Variants in METTL16 observed in about 807,000 individuals in gnomAD.
METTL16 encodes the protein RNA N(6)-adenosine-methyltransferase METTL16.
Under a neutral mutation model 57.9 loss-of-function variants are expected in METTL16, and 19 were observed. The ratio of observed to expected loss-of-function variants is 0.33; its 90% confidence interval spans 0.23 to 0.48. The LOEUF is 0.48. METTL16 is among the 20% of genes least tolerant of loss of function. The pLI is 0.99. For synonymous variants in METTL16, 246 were observed against 255.6 expected (o/e 0.96, Z 0.36); for missense variants, 434 against 691.5 (o/e 0.63, Z 4.18).
chr17:2,430,623 T>C (rs1454603401), intron 8 of METTL16, among the ~76,000 whole-genome samples: 1 of 152,024 alleles, frequency 6.6e-6, no homozygotes, highest in African/African-American at 2.4e-5. Context: ...TTTCACTGTG[T>C]TAGCCAGGAT....
At chr17:2,423,581 C>T (rs1214805937) in intron 8 of METTL16, among the ~76,000 whole-genome samples, 1 of 152,024 alleles carries the variant, frequency 6.6e-6, no homozygotes, top group Non-Finnish European at 1.5e-5. Flanking sequence ...ATCAGACTCC[C>T]CATTCCCCGT....
chr17:2,431,790 G>A (rs895619969), intron 8 of METTL16, among the ~76,000 whole-genome samples: 1 of 151,890 alleles, frequency 6.6e-6, no homozygotes, highest in Non-Finnish European at 1.5e-5. Flanking sequence ...GGGAATAGAT[G>A]GTTTAAAATT....
intron 1 of METTL16, among the ~76,000 whole-genome samples, chr17:2,504,916 G>T (rs970110025): frequency 6.6e-6 from 1 of 152,086 alleles, no homozygotes; most frequent in Non-Finnish European, 1.5e-5. Flanking sequence ...TGAATATTTG[G>T]TAGTGTACCA....
At chr17:2,441,170 G>A (rs1317575727) in intron 7 of METTL16, among the ~76,000 whole-genome samples, 4 of 152,022 alleles carry the variant, frequency 2.6e-5, no homozygotes, top group East Asian at 1.9e-4. Context: ...CAGAACTGGA[G>A]GCCATTATCT....
rs7214587 is a variant in METTL16 at position 2,502,265 on chromosome 17, G to A, written c.67C>T (p.Leu23=). The change falls in exon 2 of 10, where the codon CTG becomes TTG. Residue 23 remains leucine (L), a synonymous_variant. Transcript: ENST00000263092. The part of the protein sequence containing the change: ...YKDKPPDFAY[L]ASKYPDFKQH... Reference sequence around the variant, plus strand: ...TTAAAATCTGGATATTTGGATGCCAGATATGCAAAGTCAGGAGGTTTGTCC... The same window carrying A: ...TTAAAATCTGGATATTTGGATGCCAAATATGCAAAGTCAGGAGGTTTGTCC... 1,160 of 1,613,784 alleles carry A rather than the reference G, an allele frequency of 7.2e-4. 5 individuals are homozygous for A. The African/African-American group carries it at 0.013, about 18-fold the overall frequency.
At chr17:2,423,532 G>T (rs558881683) in intron 8 of METTL16, among the ~76,000 whole-genome samples, 1 of 152,260 alleles carries the variant, frequency 6.6e-6, no homozygotes, top group East Asian at 1.9e-4. Context: ...GGGAAGAAGC[G>T]TATTAAGCCG....
intron 6 of METTL16, among the ~76,000 whole-genome samples, chr17:2,447,561 C>T (rs2067012441): frequency 1.7e-5 from 2 of 116,512 alleles, no homozygotes; most frequent in Admixed American, 7.3e-5. Context: ...CCAGTCGCCC[C>T]GTCCAGGAGG....
At chr17:2,489,440 A>G (rs1047345332) in intron 2 of METTL16, among the ~76,000 whole-genome samples, 4 of 152,048 alleles carry the variant, frequency 2.6e-5, no homozygotes, top group African/African-American at 9.7e-5. Context: ...AGGTCACCTG[A>G]CGTCAGGAGT....
chr17:2,508,625 T>C (rs141558900), intron 1 of METTL16, among the ~76,000 whole-genome samples: 2 of 152,138 alleles, frequency 1.3e-5, no homozygotes, highest in African/African-American at 2.4e-5. Flanking sequence ...CAGGTCATTA[T>C]CATGTCTTTC....
chr17:2,450,374 G>C (rs193225345), intron 6 of METTL16, among the ~76,000 whole-genome samples: 12 of 152,302 alleles, frequency 7.9e-5, no homozygotes, highest in African/African-American at 2.9e-4. Context: ...GACTCCATTT[G>C]TATGAAAAGT....
At chr17:2,473,693 C>G (rs1346426248) in intron 3 of METTL16, 29 bp from the exon 4 acceptor site, 37 of 1,601,284 alleles carry the variant, frequency 2.3e-5, no homozygotes, top group Non-Finnish European at 3.1e-5. Flanking sequence ...AAAACACATT[C>G]TACACACCAG....
intron 6 of METTL16, among the ~76,000 whole-genome samples, chr17:2,448,740 TAAAA>T (rs1417532304): frequency 6.5e-5 from 2 of 30,902 alleles, no homozygotes; most frequent in Non-Finnish European, 1.2e-4. Flanking sequence ...GAATGATCAA[TAAAA>T]AAAAAAATAA....
At position 2,471,461 on chromosome 17, in the gene METTL16, A is replaced by C. The variant is rs185455203; in HGVS notation, c.469+2063T>G. Among the ~76,000 whole-genome samples, 518 of 152,294 alleles carry C rather than the reference A, an allele frequency of 3.4e-3. 4 individuals carry two copies. The highest frequency in any genetic ancestry group is 5.1e-3 in the Non-Finnish European group (349 of 68,020). On this transcript the variant is annotated intron_variant, in intron 4 of 9. Coordinates refer to ENST00000263092, the MANE Select transcript of METTL16 (RefSeq NM_024086.4). ...GCTGAGATTACAGCACTTTTTGGATATAATACCAACAGTACTGTATACCAT... is the reference window on the plus strand; with the variant it reads ...GCTGAGATTACAGCACTTTTTGGATCTAATACCAACAGTACTGTATACCAT...
At chr17:2,481,157 T>C (rs2067303079) in intron 2 of METTL16, among the ~76,000 whole-genome samples, 1 of 149,070 alleles carries the variant, frequency 6.7e-6, no homozygotes, top group East Asian at 2.0e-4. Context: ...GCAGTGAGCC[T>C]AGATGAAGCC....
At chr17:2,442,877 G>A (rs1277598238) in intron 6 of METTL16, among the ~76,000 whole-genome samples, 1 of 151,988 alleles carries the variant, frequency 6.6e-6, no homozygotes, top group Non-Finnish European at 1.5e-5. Context: ...GCCCAGGCTG[G>A]AGTGCAGTGG....
At chr17:2,455,201 G>C in intron 6 of METTL16, 1 of 163,390 alleles carries the variant, frequency 6.1e-6, no homozygotes, top group Non-Finnish European at 1.3e-5. Flanking sequence ...CGATTCTCCT[G>C]CCTCAGCCTC....
chr17:2,444,222 G>A (rs1246949993), intron 6 of METTL16, among the ~76,000 whole-genome samples: 2 of 152,072 alleles, frequency 1.3e-5, no homozygotes, highest in Non-Finnish European at 2.9e-5. Context: ...AGGCTAAGGC[G>A]GCAGATCACT....
At chr17:2,446,754 T>G (rs1284025394) in intron 6 of METTL16, among the ~76,000 whole-genome samples, 1 of 151,488 alleles carries the variant, frequency 6.6e-6, no homozygotes, top group Non-Finnish European at 1.5e-5. Context: ...TGGTTCTCGT[T>G]TTTTTTTTGG....
chr17:2,446,406 GA>G (rs2066995492), intron 6 of METTL16, among the ~76,000 whole-genome samples: 1 of 152,208 alleles, frequency 6.6e-6, no homozygotes, highest in Non-Finnish European at 1.5e-5. Context: ...CTTCTACGCA[GA>G]AAATTCCATG....
Sources: allele counts gnomAD v4.1 joint callset (sites outside exome capture counted in the v4.1 genomes callset), GRCh38; gene constraint gnomAD v4.1.1; transcripts MANE v1.5; gene names NCBI Gene and HGNC (gene_info 2026-07-23, HGNC 2026-07-21).